The following COL21A1 variants were observed in gnomAD, a reference collection of about 807,000 sequenced individuals.
The protein encoded by COL21A1 is collagen type XXI alpha 1 chain.
Under a neutral mutation model 137.9 loss-of-function variants are expected in COL21A1, and 149 were observed. The ratio of observed to expected loss-of-function variants is 1.08; its 90% CI spans 0.95 to 1.24. The LOEUF (loss-of-function observed/expected upper bound fraction) is 1.24. COL21A1 is among the 50% of genes most tolerant of loss of function. The pLI is 0.00. For missense variants in COL21A1, 1,167 were observed against 1,158.4 expected, an observed-to-expected ratio of 1.01 and a Z score of -0.11; for synonymous variants, 456 against 391.5, an observed-to-expected ratio of 1.16 and a Z score of -1.95.
At chr6:56,208,973 T>A (rs547424725) in intron 1 of COL21A1, among the ~76,000 whole-genome samples, 1 of 152,306 alleles carries the variant, frequency 6.6e-6, no homozygotes, top group African/African-American at 2.4e-5. Context: ...GCTAGCCATA[T>A]GCAGAAAGCT....
chr6:56,131,789 C>G (rs1422668869), intron 12 of COL21A1, among the ~76,000 whole-genome samples: 1 of 152,052 alleles, frequency 6.6e-6, no homozygotes, highest in Non-Finnish European at 1.5e-5. Flanking sequence ...TATACATATA[C>G]TATATGCTGT....
At chr6:56,158,359 A>G (rs1186652439) in intron 9 of COL21A1, among the ~76,000 whole-genome samples, 1 of 138,562 alleles carries the variant, frequency 7.2e-6, no homozygotes, top group African/African-American at 2.8e-5. Flanking sequence ...TGTAGCTTCA[A>G]CCTCCCAGGC....
chr6:56,146,609 G>A (rs1774854977), intron 10 of COL21A1, among the ~76,000 whole-genome samples: 1 of 152,080 alleles, frequency 6.6e-6, no homozygotes, highest in Non-Finnish European at 1.5e-5. Flanking sequence ...AAGCAGTTGG[G>A]AGTTTTTCTA....
intron 1 of COL21A1, among the ~76,000 whole-genome samples, chr6:56,320,456 C>T (rs1764836894): frequency 1.3e-5 from 2 of 151,892 alleles, no homozygotes; most frequent in African/African-American, 4.8e-5. Flanking sequence ...AAATACCTTC[C>T]TATCTTATCC....
At chr6:56,156,503 G>A (rs1167877973) in intron 10 of COL21A1, among the ~76,000 whole-genome samples, 1 of 152,168 alleles carries the variant, frequency 6.6e-6, no homozygotes, top group Non-Finnish European at 1.5e-5. Context: ...CCTTTGAAAT[G>A]TAATCATCAA....
intron 17 of COL21A1, among the ~76,000 whole-genome samples, chr6:56,097,669 C>G (rs1035158406): frequency 1.3e-5 from 2 of 148,250 alleles, no homozygotes; most frequent in African/African-American, 5.0e-5. Flanking sequence ...AAACCCAAAT[C>G]AGTGTCTGCT....
intron 22 of COL21A1, among the ~76,000 whole-genome samples, chr6:56,067,938 G>A (rs894122190): frequency 1.3e-5 from 2 of 151,478 alleles, no homozygotes; most frequent in Non-Finnish European, 3.0e-5. Flanking sequence ...ACTTGGACAC[G>A]GTTTCCAAAT....
At chr6:56,230,077 A>G (rs1016543271) in intron 1 of COL21A1, among the ~76,000 whole-genome samples, 1 of 151,956 alleles carries the variant, frequency 6.6e-6, no homozygotes, top group Admixed American at 6.6e-5. Context: ...TTTGGTATAC[A>G]TATTTCGAAT....
intron 1 of COL21A1, among the ~76,000 whole-genome samples, chr6:56,335,449 T>A (rs960656459): frequency 1.3e-5 from 2 of 152,108 alleles, no homozygotes; most frequent in Non-Finnish European, 2.9e-5. Context: ...CGGCCCGAAA[T>A]AGCCAGGATT....
chr6:56,256,897 A>G (rs1229798015), intron 1 of COL21A1, among the ~76,000 whole-genome samples: 1 of 152,178 alleles, frequency 6.6e-6, no homozygotes, highest in African/African-American at 2.4e-5. Context: ...GAATTTATCC[A>G]TAATCAATCA....
At chr6:56,253,385 G>A (rs1367588625) in intron 1 of COL21A1, among the ~76,000 whole-genome samples, 2 of 152,160 alleles carry the variant, frequency 1.3e-5, no homozygotes, top group Admixed American at 6.5e-5. Flanking sequence ...CCAGTTAGAG[G>A]TCTCTCCAGG....
chr6:56,105,062 G>A (rs1157277441), intron 16 of COL21A1, among the ~76,000 whole-genome samples: 1 of 152,220 alleles, frequency 6.6e-6, no homozygotes, highest in Non-Finnish European at 1.5e-5. Context: ...GCCTGCGGAT[G>A]TATTAAAGAT....
At chr6:56,260,878 A>ATG (rs374518974) in intron 1 of COL21A1, among the ~76,000 whole-genome samples, 32,200 of 83,244 alleles carry the variant, frequency 0.39, 4,101 homozygotes, top group Non-Finnish European at 0.47. Flanking sequence ...GTGTGTGTGT[A>ATG]TGTGTGTGTG....
At chr6:56,276,741 T>G in intron 1 of COL21A1, 1 of 1,320,872 alleles carries the variant, frequency 7.6e-7, no homozygotes, top group South Asian at 1.2e-5. Context: ...AGAACTGCCA[T>G]CAAGTATCCA....
At chr6:56,158,262 T>TTTTTC (rs1775918688) in intron 9 of COL21A1, among the ~76,000 whole-genome samples, 1 of 119,666 alleles carries the variant, frequency 8.4e-6, no homozygotes, top group Non-Finnish European at 1.7e-5. Flanking sequence ...TCTTTTTTTT[T>TTTTTC]TTTCTTTTTT....
chr6:56,157,303 A>C (rs1283624354), intron 9 of COL21A1, among the ~76,000 whole-genome samples: 1 of 139,226 alleles, frequency 7.2e-6, no homozygotes, highest in Non-Finnish European at 1.5e-5. Flanking sequence ...TTTGACTCAT[A>C]AGACTTTTTT....
At chr6:56,197,591 G>A (rs564583542) in intron 1 of COL21A1, among the ~76,000 whole-genome samples, 3 of 152,152 alleles carry the variant, frequency 2.0e-5, no homozygotes, top group Middle Eastern at 6.8e-3. Context: ...ATGGTCAACA[G>A]GTATATAAGA....
chr6:56,057,854 G>C lies in COL21A1; in HGVS notation c.2687-10C>G, dbSNP rs1213128775. On this transcript the variant is annotated splice_polypyrimidine_tract_variant and intron_variant, in intron 29 of 29. Coordinates refer to ENST00000244728, the MANE Select transcript of COL21A1 (RefSeq NM_030820.4). ...GGAGGGCCCTCTGGACCTAAGATGG[G>C]ACATTGGCAAGACGTAAACAGAGGA... 6 of 1,518,906 alleles carry C rather than the reference G, an allele frequency of 4.0e-6. No homozygotes were observed. In the East Asian group the frequency reaches 1.2e-4, roughly 31 times the overall value. The allele number at this position is 1,518,906 out of a possible 1,614,324, so 94.1% of individuals were successfully genotyped here.
chr6:56,320,518 AACAC>A (rs55942460), intron 1 of COL21A1, among the ~76,000 whole-genome samples: 58,236 of 149,290 alleles, frequency 0.39, 11,767 homozygotes, highest in Non-Finnish European at 0.46. Context: ...ACACAATCTG[AACAC>A]ACACACACAC....
Sources: gnomAD v4.1 joint callset for allele counts (sites outside exome capture counted in the v4.1 genomes callset) on GRCh38, gnomAD v4.1.1 for gene constraint, MANE v1.5 for transcripts, NCBI Gene and HGNC (gene_info 2026-07-23, HGNC 2026-07-21) for gene names.